Variants in FOXP1 observed in about 807,000 individuals in gnomAD.
FOXP1 encodes the protein forkhead box protein P1.
FOXP1 carries 15 observed loss-of-function variants against 98.2 expected under a neutral mutation model. The ratio of observed to expected loss-of-function variants is 0.15; its 90% CI spans 0.10 to 0.24. The LOEUF is 0.24. Ranked by LOEUF, FOXP1 falls within the 10% of genes least tolerant of loss-of-function variation. The pLI is 1.00. For synonymous variants in FOXP1, 371 were observed against 314.5 expected, an observed-to-expected ratio of 1.18 and a Z score of -1.90; for missense variants, 633 against 848.5, an observed-to-expected ratio of 0.75 and a Z score of 3.15.
intron 6 of FOXP1, among the ~76,000 whole-genome samples, chr3:71,138,534 T>C (rs1035232270): frequency 1.1e-4 from 17 of 152,250 alleles, no homozygotes; most frequent in Admixed American, 3.9e-4. Context: ...CCTTAGCAGA[T>C]TAGGATTCAA....
intron 20 of FOXP1, among the ~76,000 whole-genome samples, chr3:70,962,657 G>A (rs539158069): frequency 6.6e-6 from 1 of 152,240 alleles, no homozygotes; most frequent in South Asian, 2.1e-4. Flanking sequence ...TGCTGATTGA[G>A]GTTCAAATGT....
At chr3:71,124,687 G>A (rs1390871911) in intron 6 of FOXP1, among the ~76,000 whole-genome samples, 1 of 151,562 alleles carries the variant, frequency 6.6e-6, no homozygotes, top group African/African-American at 2.4e-5. Context: ...GACCAGAGAG[G>A]ATAAATTATA....
intron 6 of FOXP1, among the ~76,000 whole-genome samples, chr3:71,157,744 G>A (rs1439537319): frequency 6.6e-6 from 1 of 152,078 alleles, no homozygotes; most frequent in Non-Finnish European, 1.5e-5. Flanking sequence ...TACAAAGTTG[G>A]GCTAAGAAGC....
intron 5 of FOXP1, among the ~76,000 whole-genome samples, chr3:71,283,805 A>G (rs1430286589): frequency 6.6e-6 from 1 of 152,184 alleles, no homozygotes; most frequent in African/African-American, 2.4e-5. Flanking sequence ...AGAACCAGTA[A>G]GCACTCAATA....
chr3:70,963,046 CAATTTTA>C (rs1175575893), intron 20 of FOXP1, among the ~76,000 whole-genome samples: 1 of 152,150 alleles, frequency 6.6e-6, no homozygotes, highest in East Asian at 1.9e-4. Context: ...TACGAGGTAT[CAATTTTA>C]AAAGCTGTAG....
At chr3:71,126,387 G>A (rs2059178052) in intron 6 of FOXP1, among the ~76,000 whole-genome samples, 2 of 152,076 alleles carry the variant, frequency 1.3e-5, no homozygotes, top group African/African-American at 4.8e-5. Context: ...TACTCTGGAG[G>A]CTAGGGCCAG....
chr3:71,506,612 T>G (rs914435801), intron 2 of FOXP1, among the ~76,000 whole-genome samples: 8 of 152,140 alleles, frequency 5.3e-5, no homozygotes, highest in African/African-American at 1.7e-4. Context: ...GCATCCAGAT[T>G]TCCACCTCCA....
Position 71,583,583 on chromosome 3 carries a change from G to A in FOXP1, c.-459C>T, listed in dbSNP as rs1394640624. ...AATACAAACTCACCCGCTGCAAATG[G>A]TCTCTCGGTGCAAACTAAGGTGTTT... On this transcript the variant is annotated 5_prime_UTR_variant, in exon 1 of 21. Coordinates refer to ENST00000649528, the MANE Select transcript of FOXP1 (RefSeq NM_001349338.3). The A allele has an allele frequency of 1.0e-6, 1 of 984,018 alleles. No individual in the cohort carries two copies. The highest frequency in any genetic ancestry group is 1.8e-5 in the African/African-American group (1 of 56,804). The allele number at this position is 984,018 out of a possible 1,614,324, so 61.0% of individuals were successfully genotyped here.
chr3:71,360,898 C>T (rs1032941459), intron 3 of FOXP1: 1 of 152,172 alleles, frequency 6.6e-6, no homozygotes, highest in Non-Finnish European at 1.5e-5. Flanking sequence ...GGCTGTCTGC[C>T]TACCAGAACT....
chr3:71,500,293 G>A (rs920744557), intron 2 of FOXP1, among the ~76,000 whole-genome samples: 2 of 152,142 alleles, frequency 1.3e-5, no homozygotes, highest in Admixed American at 6.5e-5. Context: ...AAACCTTTTC[G>A]GTTTGTTTGT....
intron 2 of FOXP1, among the ~76,000 whole-genome samples, chr3:71,550,798 T>C (rs2045718053): frequency 6.6e-6 from 1 of 152,224 alleles, no homozygotes; most frequent in African/African-American, 2.4e-5. Context: ...TTTACATTTA[T>C]CATATTTATA....
At chr3:71,175,330 A>G (rs1044188499) in intron 6 of FOXP1, among the ~76,000 whole-genome samples, 1 of 152,212 alleles carries the variant, frequency 6.6e-6, no homozygotes, top group African/African-American at 2.4e-5. Context: ...TGGCCCATCA[A>G]GTGTGTCTCT....
intron 7 of FOXP1, among the ~76,000 whole-genome samples, chr3:71,087,056 C>T (rs1478302): frequency 0.16 from 24,381 of 152,128 alleles, 2,730 homozygotes; most frequent in East Asian, 0.46. Context: ...TAAAATGCAA[C>T]TTACTATTCA....
chr3:71,061,577 C>T (rs2051485258), intron 7 of FOXP1, among the ~76,000 whole-genome samples: 2 of 152,124 alleles, frequency 1.3e-5, no homozygotes, highest in South Asian at 2.1e-4. Context: ...TTCCTTGTCA[C>T]TGAATGCATA....
At chr3:70,978,731 T>TATCAATCA (rs61280286) in intron 14 of FOXP1, among the ~76,000 whole-genome samples, 6 of 152,206 alleles carry the variant, frequency 3.9e-5, no homozygotes, top group Admixed American at 1.3e-4. Context: ...CATTTGTTTC[T>TATCAATCA]ATCAATCAAT....
intron 2 of FOXP1, among the ~76,000 whole-genome samples, chr3:71,503,999 G>A (rs1325601794): frequency 6.6e-6 from 1 of 152,108 alleles, no homozygotes; most frequent in Non-Finnish European, 1.5e-5. Context: ...GACCCAGGGG[G>A]TGAGTACACA....
intron 4 of FOXP1, among the ~76,000 whole-genome samples, chr3:71,321,202 C>T (rs1269512778): frequency 6.6e-6 from 1 of 151,758 alleles, no homozygotes; most frequent in East Asian, 1.9e-4. Context: ...AGCCTTAGTG[C>T]CATTCCCTCT....
intron 13 of FOXP1, among the ~76,000 whole-genome samples, chr3:70,996,047 C>T (rs1469404704): frequency 4.6e-5 from 7 of 152,112 alleles, no homozygotes; most frequent in South Asian, 4.1e-4. Context: ...AATGCAATGG[C>T]GCAATCTCGG....
chr3:71,214,050 G>A (rs2064720275), intron 5 of FOXP1, among the ~76,000 whole-genome samples: 1 of 152,122 alleles, frequency 6.6e-6, no homozygotes, highest in African/African-American at 2.4e-5. Flanking sequence ...ATTGAACTTG[G>A]AATCTGAGAA....
Sources: gnomAD v4.1 joint callset for allele counts (sites outside exome capture counted in the v4.1 genomes callset) on GRCh38, gnomAD v4.1.1 for gene constraint, MANE v1.5 for transcripts, NCBI Gene and HGNC (gene_info 2026-07-23, HGNC 2026-07-21) for gene names.